Variants in DOCK5 observed in about 807,000 individuals in gnomAD.
DOCK5 encodes the protein dedicator of cytokinesis 5.
DOCK5 carries 142 observed loss-of-function variants against 251.8 expected under a neutral mutation model. The observed-to-expected ratio is 0.56, with a 90% CI of 0.49 to 0.65. The LOEUF (loss-of-function observed/expected upper bound fraction) is 0.65, where lower values mean the gene tolerates loss of function less well. DOCK5 is among the 30% of genes least tolerant of loss of function. The pLI is 0.00. For missense variants in DOCK5, 2,111 were observed against 2,312.3 expected (o/e 0.91, Z 1.79); for synonymous variants, 842 against 835.5 (o/e 1.01, Z -0.13).
intron 36 of DOCK5, among the ~76,000 whole-genome samples, chr8:25,374,239 A>T (rs1033995584): frequency 1.3e-5 from 2 of 152,036 alleles, no homozygotes; most frequent in African/African-American, 4.8e-5. Flanking sequence ...AGTAGTGGGG[A>T]GGGGGGTCAG....
chr8:25,374,800 G>A (rs1418843494), intron 37 of DOCK5, 146 bp downstream of exon 37: 5 of 1,542,930 alleles, frequency 3.2e-6, no homozygotes, highest in Non-Finnish European at 4.4e-6. Context: ...TTCTAAATAG[G>A]CACAGCTAAT....
chr8:25,408,986 G>T, intron 50 of DOCK5, 46 bp downstream of exon 50: 1 of 1,612,480 alleles, frequency 6.2e-7, no homozygotes, highest in South Asian at 1.1e-5. Flanking sequence ...AGGGAATGGA[G>T]TATGTTTATG....
chr8:25,315,409 T>C (rs1413191588), intron 13 of DOCK5, among the ~76,000 whole-genome samples: 1 of 152,158 alleles, frequency 6.6e-6, no homozygotes, highest in Non-Finnish European at 1.5e-5. Context: ...TGCAGATTAT[T>C]TGACTGGTGC....
chr8:25,296,418 C>A, intron 6 of DOCK5, 95 bp from the exon 7 acceptor site: 1 of 1,475,374 alleles, frequency 6.8e-7, no homozygotes, highest in Admixed American at 2.3e-5. Flanking sequence ...ATCTCCCTTT[C>A]TAACTATGGA....
At chr8:25,325,976 T>C (rs915372938) in intron 18 of DOCK5, among the ~76,000 whole-genome samples, 1 of 152,060 alleles carries the variant, frequency 6.6e-6, no homozygotes, top group African/African-American at 2.4e-5. Context: ...TTGAGTTCTG[T>C]CCTTCCCTCC....
intron 1 of DOCK5, among the ~76,000 whole-genome samples, chr8:25,224,565 A>G (rs1446808114): frequency 6.6e-6 from 1 of 152,248 alleles, no homozygotes; most frequent in Admixed American, 6.5e-5. Flanking sequence ...AAAAGGTACA[A>G]ATGAAGTAAG....
chr8:25,299,655 T>C (rs2117163840), intron 8 of DOCK5, among the ~76,000 whole-genome samples: 1 of 152,282 alleles, frequency 6.6e-6, no homozygotes, highest in South Asian at 2.1e-4. Context: ...GTTATGGGAC[T>C]CTATTTTCAG....
At chr8:25,244,406 A>T (rs1039155882) in intron 2 of DOCK5, among the ~76,000 whole-genome samples, 1 of 152,242 alleles carries the variant, frequency 6.6e-6, no homozygotes, top group Admixed American at 6.5e-5. Context: ...ATCCTAGAAG[A>T]AGTCTTCCTC....
intron 1 of DOCK5, among the ~76,000 whole-genome samples, chr8:25,199,571 C>T (rs1170355298): frequency 4.6e-5 from 7 of 152,024 alleles, no homozygotes; most frequent in Admixed American, 3.3e-4. Flanking sequence ...TTAGTAGAGA[C>T]GGGGTTTCAC....
chr8:25,193,538 A>G (rs903699363), intron 1 of DOCK5, among the ~76,000 whole-genome samples: 3 of 152,034 alleles, frequency 2.0e-5, no homozygotes, highest in Non-Finnish European at 4.4e-5. Flanking sequence ...AAACGAGAGG[A>G]TTGCTTAAGC....
rs751710574 is a variant in DOCK5 at position 25,358,959 on chromosome 8, C to G, written c.2851-4C>G. 1 of 1,613,336 alleles carries G rather than the reference C, an allele frequency of 6.2e-7. No individual in the cohort carries two copies. Among genetic ancestry groups the G allele is most frequent in the Non-Finnish European group, 8.5e-7 (1 of 1,179,344 alleles). On this transcript the variant is annotated splice_region_variant and splice_polypyrimidine_tract_variant and intron_variant, in intron 27 of 51. Coordinates refer to ENST00000276440, the MANE Select transcript of DOCK5 (RefSeq NM_024940.8). ...TTGGATTTGTGCTTTCCTTTTCCTTCCAGGGGAGTTTTGTGGCTTGCATGA... is the reference window on the plus strand; with the variant it reads ...TTGGATTTGTGCTTTCCTTTTCCTTGCAGGGGAGTTTTGTGGCTTGCATGA...
intron 40 of DOCK5, among the ~76,000 whole-genome samples, chr8:25,385,957 C>T (rs1801157706): frequency 6.6e-6 from 1 of 152,132 alleles, no homozygotes; most frequent in South Asian, 2.1e-4. Flanking sequence ...GAGCAAAGGT[C>T]CCAGACCTTG....
At chr8:25,279,853 G>A (rs1388134751) in intron 5 of DOCK5, among the ~76,000 whole-genome samples, 1 of 150,854 alleles carries the variant, frequency 6.6e-6, no homozygotes, top group Non-Finnish European at 1.5e-5. Context: ...TTGAACTCCT[G>A]ACCTCAAGTG....
Position 25,212,091 on chromosome 8 carries a change from G to A in DOCK5, c.43+27140G>A, listed in dbSNP as rs1337916410. On this transcript the variant is annotated intron_variant, in intron 1 of 51. Coordinates refer to ENST00000276440, the MANE Select transcript of DOCK5 (RefSeq NM_024940.8). Reference sequence around the variant, plus strand: ...CAGGAGAATGACGTGAACCTGGGAGGCAGAGTTTGCAGTGAGCCGAGATTA... The same window carrying A: ...CAGGAGAATGACGTGAACCTGGGAGACAGAGTTTGCAGTGAGCCGAGATTA... 8.9e-5 allele frequency among the ~76,000 whole-genome samples: 6 copies of A among 67,170 alleles called. 1 individual carries two copies. The highest frequency in any genetic ancestry group is 2.0e-4 in the African/African-American group (6 of 29,668). 44.1% of individuals were successfully genotyped at this position (67,170 alleles called of 152,430 possible). A position where few individuals can be genotyped will look rare whatever the true frequency, so the allele number is the denominator to read the frequency against.
At chr8:25,295,396 A>AT (rs1382171249) in intron 6 of DOCK5, among the ~76,000 whole-genome samples, 1 of 151,262 alleles carries the variant, frequency 6.6e-6, no homozygotes, top group Non-Finnish European at 1.5e-5. Context: ...AAAAAAATAA[A>AT]AATAAATAAA....
chr8:25,306,865 A>G (rs952444486), intron 11 of DOCK5, among the ~76,000 whole-genome samples: 1 of 152,190 alleles, frequency 6.6e-6, no homozygotes, highest in Non-Finnish European at 1.5e-5. Flanking sequence ...GTCATTGTGT[A>G]GACAACATAG....
intron 31 of DOCK5, 102 bp from the exon 32 acceptor site, chr8:25,368,090 T>G (rs1019312364): frequency 4.3e-6 from 4 of 932,138 alleles, no homozygotes; most frequent in African/African-American, 1.6e-5. Flanking sequence ...GCCTTAAGAG[T>G]GACCAAGAGA....
intron 27 of DOCK5, among the ~76,000 whole-genome samples, chr8:25,355,276 A>C (rs1800547346): frequency 6.6e-6 from 1 of 152,200 alleles, no homozygotes; most frequent in Non-Finnish European, 1.5e-5. Flanking sequence ...ACTGTTGTTT[A>C]GCTTTTTCTA....
chr8:25,294,590 T>G (rs1804572925), intron 6 of DOCK5, among the ~76,000 whole-genome samples: 1 of 152,146 alleles, frequency 6.6e-6, no homozygotes, highest in African/African-American at 2.4e-5. Flanking sequence ...GCCGTTAGTA[T>G]TCCCAAGCAT....
Sources: allele counts gnomAD v4.1 joint callset (sites outside exome capture counted in the v4.1 genomes callset), GRCh38; gene constraint gnomAD v4.1.1; transcripts MANE v1.5; gene names NCBI Gene and HGNC (gene_info 2026-07-23, HGNC 2026-07-21).